NEK10: variants seen among roughly 807,000 people sequenced by gnomAD.
NEK10 encodes the protein NIMA related kinase 10.
Under a neutral mutation model 159.8 loss-of-function variants are expected in NEK10, and 122 were observed. That is an observed-to-expected ratio of 0.76 (90% CI 0.66 to 0.89). NEK10 has a LOEUF of 0.89. Among genes scored for constraint, NEK10 ranks in the 40% least tolerant of loss-of-function variants. NEK10 has a pLI of 0.00. For synonymous variants in NEK10, 466 were observed against 457.1 expected, an observed-to-expected ratio of 1.02 and a Z score of -0.25; for missense variants, 1,342 against 1,323.1, an observed-to-expected ratio of 1.01 and a Z score of -0.22.
At chr3:27,265,302 A>T (rs761907347) in intron 22 of NEK10, among the ~76,000 whole-genome samples, 1 of 152,160 alleles carries the variant, frequency 6.6e-6, no homozygotes, top group Non-Finnish European at 1.5e-5. Flanking sequence ...AATGCCTTGG[A>T]GTGGGATTAC....
chr3:27,171,723 C>A, intron 29 of NEK10, 96 bp downstream of exon 29: 1 of 1,267,158 alleles, frequency 7.9e-7, no homozygotes, highest in Non-Finnish European at 1.1e-6. Context: ...TCCGCAGGCA[C>A]ATGGAAACTT....
rs557575279 is a variant in NEK10, at chr3:27,155,805, G to T, written c.2869+6896C>A. ...GAAAAAACAATTCTAAAATTCATAT[G>T]CAACCAAAAAGGAGTCTGCATAGCC... On this transcript the variant is annotated intron_variant, in intron 30 of 35. Coordinates refer to ENST00000691995, the MANE Select transcript of NEK10 (RefSeq NM_001394966.1). Among the ~76,000 whole-genome samples, 17 of 152,102 alleles carry T rather than the reference G, an allele frequency of 1.1e-4. No homozygotes were observed. The South Asian group carries it at 2.3e-3, about 20-fold the overall frequency.
chr3:27,346,783 T>C (rs1457894572), intron 3 of NEK10, among the ~76,000 whole-genome samples: 1 of 152,232 alleles, frequency 6.6e-6, no homozygotes. Context: ...AAGAAGATTC[T>C]ACCACTTTTA....
intron 23 of NEK10, among the ~76,000 whole-genome samples, chr3:27,236,099 T>C (rs1348529657): frequency 6.6e-6 from 1 of 152,020 alleles, no homozygotes; most frequent in Non-Finnish European, 1.5e-5. Flanking sequence ...AGCTAAATGA[T>C]GAGAACACAT....
intron 3 of NEK10, among the ~76,000 whole-genome samples, chr3:27,351,754 C>A (rs752233761): frequency 2.6e-5 from 4 of 151,988 alleles, no homozygotes; most frequent in Non-Finnish European, 5.9e-5. Flanking sequence ...GCCAGACTAC[C>A]AGGGTTCAAG....
At chr3:27,223,944 G>A (rs1487882259) in intron 23 of NEK10, among the ~76,000 whole-genome samples, 1 of 152,172 alleles carries the variant, frequency 6.6e-6, no homozygotes, top group African/African-American at 2.4e-5. Context: ...TTTGTGGGTT[G>A]GATTGTGTCC....
intron 30 of NEK10, among the ~76,000 whole-genome samples, chr3:27,156,979 T>TATATATATATATATATA (rs1945531255): frequency 9.8e-6 from 1 of 102,466 alleles, no homozygotes; most frequent in Non-Finnish European, 1.9e-5. Context: ...TATATATATA[T>TATATATATATATATATA]GATGAAATAC....
intron 9 of NEK10, chr3:27,309,581 C>T (rs1321034503): frequency 6.6e-6 from 1 of 152,174 alleles, no homozygotes; most frequent in Non-Finnish European, 1.5e-5. Flanking sequence ...CAGCCTGGTT[C>T]TCATACATCC....
chr3:27,241,502 C>A (rs1420503825), intron 23 of NEK10, among the ~76,000 whole-genome samples: 2 of 152,202 alleles, frequency 1.3e-5, no homozygotes, highest in African/African-American at 4.8e-5. Flanking sequence ...ACTTCAAGAG[C>A]AAGTGTATAA....
intron 23 of NEK10, among the ~76,000 whole-genome samples, chr3:27,221,478 A>G (rs1952094772): frequency 6.6e-6 from 1 of 152,232 alleles, no homozygotes; most frequent in Non-Finnish European, 1.5e-5. Flanking sequence ...AACATGTAGG[A>G]GATTGGAACC....
At chr3:27,210,858 C>T (rs76953279) in intron 23 of NEK10, among the ~76,000 whole-genome samples, 218 of 152,318 alleles carry the variant, frequency 1.4e-3, no homozygotes, top group Non-Finnish European at 2.1e-3. Context: ...AGTGACAAGA[C>T]ACTCCACCTG....
chr3:27,302,204 A>G (rs770387442), intron 12 of NEK10, among the ~76,000 whole-genome samples: 6 of 152,112 alleles, frequency 3.9e-5, no homozygotes, highest in Non-Finnish European at 7.4e-5. Flanking sequence ...GTTCTCTCCT[A>G]TCATATCTTG....
At position 27,146,081 on chromosome 3, in the gene NEK10, AT is replaced by A. The variant is rs1410188288; in HGVS notation, c.2870-4500del. Among the ~76,000 whole-genome samples the A allele has an allele frequency of 2.0e-5, 3 of 152,292 alleles. No individual in the cohort carries two copies. In the East Asian group the frequency reaches 5.8e-4, roughly 29 times the overall value. ...CGATGTTCTATCTATCTCTCTCAAC[AT>A]TTAATTAATTATTTTTGGAAAGCAT... On this transcript the variant is annotated intron_variant, in intron 30 of 35. Coordinates refer to ENST00000691995, the MANE Select transcript of NEK10 (RefSeq NM_001394966.1).
chr3:27,180,471 A>G (rs1164491350), intron 26 of NEK10, among the ~76,000 whole-genome samples: 1 of 151,960 alleles, frequency 6.6e-6, no homozygotes, highest in Non-Finnish European at 1.5e-5. Flanking sequence ...GGGAAGGAAC[A>G]ATGTACAGAG....
At chr3:27,365,762 G>A (rs757460920) in intron 1 of NEK10, among the ~76,000 whole-genome samples, 27 of 151,734 alleles carry the variant, frequency 1.8e-4, no homozygotes, top group Admixed American at 8.5e-4. Context: ...ACCAGCACGC[G>A]TCACCACACC....
At chr3:27,140,200 G>A (rs779953298) in intron 31 of NEK10, among the ~76,000 whole-genome samples, 10 of 152,186 alleles carry the variant, frequency 6.6e-5, no homozygotes, top group Non-Finnish European at 1.2e-4. Context: ...TTATCTAGGT[G>A]TGGTAGACAG....
intron 23 of NEK10, among the ~76,000 whole-genome samples, chr3:27,246,764 T>G (rs1239771873): frequency 6.6e-6 from 1 of 152,178 alleles, no homozygotes; most frequent in Non-Finnish European, 1.5e-5. Flanking sequence ...AATTATTTAA[T>G]TTTTAGCACC....
chr3:27,200,924 G>A (rs1054070844), intron 25 of NEK10, among the ~76,000 whole-genome samples: 1 of 152,148 alleles, frequency 6.6e-6, no homozygotes, highest in Non-Finnish European at 1.5e-5. Flanking sequence ...CTGGAGCAGA[G>A]AAAACAGAAG....
intron 30 of NEK10, among the ~76,000 whole-genome samples, chr3:27,147,344 TC>T (rs1944398956): frequency 6.6e-6 from 1 of 152,148 alleles, no homozygotes; most frequent in Non-Finnish European, 1.5e-5. Flanking sequence ...AATGGAAACT[TC>T]CCAACACAGA....
Sources: allele counts gnomAD v4.1 joint callset (sites outside exome capture counted in the v4.1 genomes callset), GRCh38; gene constraint gnomAD v4.1.1; transcripts MANE v1.5; gene names NCBI Gene and HGNC (gene_info 2026-07-23, HGNC 2026-07-21).